The following NIPAL2 variants were observed in gnomAD, a reference collection of about 807,000 sequenced individuals.
NIPAL2 encodes the protein NIPA like domain containing 2.
Under a neutral mutation model 48.9 loss-of-function variants are expected in NIPAL2, and 43 were observed. The observed-to-expected ratio is 0.88, with a 90% CI of 0.69 to 1.13. The LOEUF is 1.13. Ranked by LOEUF, NIPAL2 falls within the 50% of genes most tolerant of loss-of-function variation. The pLI is 0.00. For synonymous variants in NIPAL2, 167 were observed against 174.6 expected (o/e 0.96, Z 0.34); for missense variants, 446 against 461.4 (o/e 0.97, Z 0.31).
rs1256214582 is a variant in NIPAL2 at position 98,203,191 on chromosome 8, A to T, written c.797T>A (p.Leu266Gln). ...ATTGTAGAGTTTCGTGGCTTGATTC[A>T]GGAACCTAGGGCAGAAGGCACTTAC... ...IASCVFQVKF[L>Q]NQATKLYNTT... The change falls in exon 8 of 11, where the codon CTG (leucine) becomes CAG (glutamine). Residue 266 changes from leucine (L) to glutamine (Q), a missense_variant. Coordinates refer to ENST00000430223, the MANE Select transcript of NIPAL2 (RefSeq NM_001321635.2). 6.2e-7 allele frequency: 1 copy of T among 1,613,552 alleles called. No individual in the cohort carries two copies. Among genetic ancestry groups the T allele is most frequent in the East Asian group, 2.2e-5 (1 of 44,890 alleles).
At chr8:98,258,944 A>T (rs1814080927) in intron 1 of NIPAL2, among the ~76,000 whole-genome samples, 1 of 150,970 alleles carries the variant, frequency 6.6e-6, no homozygotes, top group African/African-American at 2.5e-5. Context: ...TCTGCGTATT[A>T]AAAAAAATGG....
rs1004259753 is a variant in NIPAL2, at chr8:98,192,593, G to C, written c.*385C>G. ...TTTCTTTTGGGAGTGAGGTTGTGGG[G>C]CTGAAGTGACTTTTTAAAGTGAAGC... On this transcript the variant is annotated 3_prime_UTR_variant, in exon 11 of 11. Transcript: ENST00000430223. 6.9e-5 allele frequency: 12 copies of C among 174,184 alleles called. No homozygotes were observed. The East Asian group carries it at 1.8e-3, about 26-fold the overall frequency. The allele number at this position is 174,184 out of a possible 1,614,324, so 10.8% of individuals were successfully genotyped here. A position where few individuals can be genotyped will look rare whatever the true frequency, so the allele number is the denominator to read the frequency against.
intron 3 of NIPAL2, chr8:98,252,250 G>T: frequency 2.0e-6 from 1 of 500,600 alleles, no homozygotes; most frequent in East Asian, 3.2e-5. Context: ...TCACACATAG[G>T]TGTTAGAGTC....
At chr8:98,283,418 A>G (rs964405352) in intron 1 of NIPAL2, among the ~76,000 whole-genome samples, 2 of 152,232 alleles carry the variant, frequency 1.3e-5, no homozygotes, top group East Asian at 1.9e-4. Flanking sequence ...ACTTGGTTCT[A>G]TTACAAAACA....
chr8:98,202,016 A>G (rs2130699152), intron 8 of NIPAL2, among the ~76,000 whole-genome samples: 1 of 152,336 alleles, frequency 6.6e-6, no homozygotes, highest in East Asian at 1.9e-4. Context: ...TAAGCCAATG[A>G]ATGAGGGCAT....
intron 4 of NIPAL2, among the ~76,000 whole-genome samples, chr8:98,233,342 G>A (rs779909993): frequency 2.1e-4 from 15 of 72,112 alleles, no homozygotes; most frequent in Non-Finnish European, 3.4e-4. Flanking sequence ...TTTTCTTGAT[G>A]TGTGTGTGTG....
At chr8:98,214,012 T>C (rs2130729954) in intron 5 of NIPAL2, among the ~76,000 whole-genome samples, 1 of 152,254 alleles carries the variant, frequency 6.6e-6, no homozygotes, top group Middle Eastern at 3.4e-3. Flanking sequence ...AATGAGTAAA[T>C]CACACCTCAA....
chr8:98,271,167 T>C (rs1431452266), intron 1 of NIPAL2, among the ~76,000 whole-genome samples: 1 of 152,180 alleles, frequency 6.6e-6, no homozygotes, highest in East Asian at 1.9e-4. Flanking sequence ...TAAGATTGCT[T>C]TGGCTATTCA....
chr8:98,223,025 G>A (rs2130757046), intron 4 of NIPAL2, among the ~76,000 whole-genome samples: 1 of 152,154 alleles, frequency 6.6e-6, no homozygotes, highest in Non-Finnish European at 1.5e-5. Context: ...AGAGGACAGG[G>A]AAACTATCAC....
chr8:98,248,714 T>C (rs1278779465), intron 3 of NIPAL2, among the ~76,000 whole-genome samples: 1 of 152,240 alleles, frequency 6.6e-6, no homozygotes, highest in Non-Finnish European at 1.5e-5. Context: ...TTAAGCTTTG[T>C]GAATTAATGG....
intron 1 of NIPAL2, among the ~76,000 whole-genome samples, chr8:98,286,829 A>AC (rs1037261910): frequency 5.4e-5 from 8 of 148,190 alleles, no homozygotes; most frequent in African/African-American, 1.3e-4. Flanking sequence ...AAAAAAAAAA[A>AC]AAAAACCAAA....
chr8:98,262,828 T>C (rs1477266643), intron 1 of NIPAL2, among the ~76,000 whole-genome samples: 2 of 152,006 alleles, frequency 1.3e-5, no homozygotes, highest in Non-Finnish European at 2.9e-5. Flanking sequence ...AATATACATT[T>C]TTTTCAGCAC....
At chr8:98,229,180 C>T (rs1042794857) in intron 4 of NIPAL2, among the ~76,000 whole-genome samples, 2 of 152,206 alleles carry the variant, frequency 1.3e-5, no homozygotes, top group African/African-American at 4.8e-5. Flanking sequence ...TTATCAAATA[C>T]AACTCAAGTC....
At chr8:98,207,334 G>A (rs1201537413) in intron 6 of NIPAL2, among the ~76,000 whole-genome samples, 1 of 152,140 alleles carries the variant, frequency 6.6e-6, no homozygotes, top group Non-Finnish European at 1.5e-5. Context: ...TTCAAAGCAT[G>A]CACAATTGTC....
rs370111345 is a variant in NIPAL2 at position 98,254,045 on chromosome 8, C to T, written c.178G>A (p.Val60Met). The change falls in exon 2 of 11, where the codon GTG becomes ATG. Residue 60 changes from valine to methionine, a missense_variant. Transcript: ENST00000430223. ...TGAATATTTAGAGAAATACTGATCA[C>T]CAAGTTTCCTAAAATAGCCAGCAAA... ...GVLLAILGNL[V>M]ISISLNIQKY... The T allele has an allele frequency of 3.7e-5, 60 of 1,610,652 alleles. No individual in the cohort carries two copies. Among genetic ancestry groups the T allele is most frequent in the Middle Eastern group, 3.3e-4 (2 of 6,076 alleles).
chr8:98,267,415 C>T (rs115465849), intron 1 of NIPAL2, among the ~76,000 whole-genome samples: 1,977 of 151,314 alleles, frequency 0.013, 51 homozygotes, highest in African/African-American at 0.046. Context: ...CTTTGACCTT[C>T]TGGGTTCAAG....
chr8:98,262,922 A>G (rs1814447652), intron 1 of NIPAL2, among the ~76,000 whole-genome samples: 1 of 151,694 alleles, frequency 6.6e-6, no homozygotes, highest in African/African-American at 2.4e-5. Context: ...AATTATAACA[A>G]ACTATCTCTC....
At chr8:98,262,263 A>G (rs1315401980) in intron 1 of NIPAL2, among the ~76,000 whole-genome samples, 2 of 152,120 alleles carry the variant, frequency 1.3e-5, no homozygotes, top group Non-Finnish European at 2.9e-5. Flanking sequence ...GACAGGATCA[A>G]ATTCACACAT....
intron 5 of NIPAL2, chr8:98,217,026 G>A (rs1162253170): frequency 2.0e-6 from 2 of 981,520 alleles, no homozygotes; most frequent in African/African-American, 3.5e-5. Flanking sequence ...ATGTTATGCA[G>A]AATCTTTCTC....
Sources: gnomAD v4.1 joint callset for allele counts (sites outside exome capture counted in the v4.1 genomes callset) on GRCh38, gnomAD v4.1.1 for gene constraint, MANE v1.5 for transcripts, NCBI Gene and HGNC (gene_info 2026-07-23, HGNC 2026-07-21) for gene names.